Variants in NUMB observed in about 807,000 individuals in gnomAD.
NUMB encodes the protein protein numb homolog.
A neutral mutation model predicts 59.7 loss-of-function variants in NUMB; 29 were observed. The observed-to-expected ratio is 0.49, with a 90% CI of 0.36 to 0.66. NUMB has a LOEUF of 0.66. Ranked by LOEUF, NUMB falls within the 30% of genes least tolerant of loss-of-function variation. NUMB has a pLI of 0.00. For missense variants in NUMB, 723 were observed against 822.0 expected (o/e 0.88, Z 1.47); for synonymous variants, 288 against 288.2 (o/e 1.00, Z 0.01).
At position 73,367,348 on chromosome 14, in the gene NUMB, T is replaced by TATATATATATAG. The variant is rs1555375287; in HGVS notation, c.-100-368_-100-367insCTATATATATAT. ...ATATATACATATATATATATATATATAGAGAGAGAGAGAGAGAGAGAGAGA... is the reference window on the plus strand; with the variant it reads ...ATATATACATATATATATATATATATATATATATATAGAGAGAGAGAGAGAGAGAGAGAGAGA... On this transcript the variant is annotated intron_variant, in intron 2 of 12. Transcript: ENST00000555238. Among the ~76,000 whole-genome samples, 404 of 105,244 alleles carry TATATATATATAG rather than the reference T, an allele frequency of 3.8e-3. 1 individual carries two copies. The highest frequency in any genetic ancestry group is 8.8e-3 in the East Asian group (35 of 3,996). 69.0% of individuals were successfully genotyped at this position (105,244 alleles called of 152,430 possible). A position where few individuals can be genotyped will look rare whatever the true frequency, so the allele number is the denominator to read the frequency against.
At chr14:73,411,715 A>G in intron 1 of NUMB, among the ~76,000 whole-genome samples, 1 of 152,190 alleles carries the variant, frequency 6.6e-6, no homozygotes, top group East Asian at 1.9e-4. Flanking sequence ...GTAAACGGCT[A>G]ATCTATTTTT....
intron 3 of NUMB, among the ~76,000 whole-genome samples, chr14:73,356,258 T>C (rs1594944527): frequency 6.6e-6 from 1 of 152,240 alleles, no homozygotes; most frequent in Non-Finnish European, 1.5e-5. Flanking sequence ...AGGAATCTTT[T>C]TGGCTCATTA....
At chr14:73,444,787 G>T (rs1883344361) in intron 1 of NUMB, among the ~76,000 whole-genome samples, 1 of 151,192 alleles carries the variant, frequency 6.6e-6, no homozygotes, top group Non-Finnish European at 1.5e-5. Context: ...AACCCAGGAG[G>T]CGGAGGTTGC....
At chr14:73,354,305 T>G (rs576588614) in intron 4 of NUMB, among the ~76,000 whole-genome samples, 77 of 151,968 alleles carry the variant, frequency 5.1e-4, no homozygotes, top group African/African-American at 1.5e-3. Context: ...GGTCAGGAGT[T>G]CAAGACCAGC....
At chr14:73,321,195 T>C (rs1891384179) in intron 5 of NUMB, among the ~76,000 whole-genome samples, 1 of 152,216 alleles carries the variant, frequency 6.6e-6, no homozygotes, top group Admixed American at 6.5e-5. Context: ...CATGAAGTCA[T>C]ACTCTGAATC....
At chr14:73,335,680 T>C (rs1401582196) in intron 4 of NUMB, among the ~76,000 whole-genome samples, 1 of 152,178 alleles carries the variant, frequency 6.6e-6, no homozygotes, top group Non-Finnish European at 1.5e-5. Flanking sequence ...AAAAATTATT[T>C]AAAAAATAGA....
At chr14:73,399,143 A>C (rs1421082945) in intron 2 of NUMB, among the ~76,000 whole-genome samples, 1 of 152,254 alleles carries the variant, frequency 6.6e-6, no homozygotes, top group Non-Finnish European at 1.5e-5. Context: ...GCATAATACC[A>C]TTATACGGAT....
chr14:73,350,309 G>A (rs1893173416), intron 4 of NUMB, among the ~76,000 whole-genome samples: 1 of 151,550 alleles, frequency 6.6e-6, no homozygotes, highest in South Asian at 2.1e-4. Flanking sequence ...GAGTAGCTGG[G>A]GTTACAGGCA....
intron 4 of NUMB, among the ~76,000 whole-genome samples, chr14:73,353,438 C>T (rs921702198): frequency 1.3e-4 from 20 of 150,954 alleles, no homozygotes; most frequent in African/African-American, 4.9e-4. Flanking sequence ...AAGTTGTTTC[C>T]AAATTTTTGA....
rs143582593 is a variant in NUMB, at chr14:73,384,889, A to ATTT, written c.-100-17911_-100-17909dup. 7.9e-4 allele frequency among the ~76,000 whole-genome samples: 90 copies of ATTT among 114,428 alleles called. 2 individuals are homozygous for ATTT. Among genetic ancestry groups the ATTT allele is most frequent in the East Asian group, 6.4e-3 (24 of 3,738 alleles). 75.1% of individuals were successfully genotyped at this position (114,428 alleles called of 152,430 possible). ...CACCATGCCCAGCCAAATAACTGTA[A>ATTT]TTTTTTTTTTTTTTTTTTTTTGAGA... is the stretch of plus-strand genomic sequence containing the variant. On this transcript the variant is annotated intron_variant, in intron 2 of 12. Transcript: ENST00000555238.
Position 73,454,291 on chromosome 14 carries a change from C to T in NUMB, c.-233+4202G>A, listed in dbSNP as rs559588949. On this transcript the variant is annotated intron_variant, in intron 1 of 12. Coordinates refer to ENST00000555238, the MANE Select transcript of NUMB (RefSeq NM_001005743.2). Reference sequence around the variant, plus strand: ...AGATCTATTCTCTAGAAATCAAAACCTGTTACACACAACAGATGTGTTTTG... The same window carrying T: ...AGATCTATTCTCTAGAAATCAAAACTTGTTACACACAACAGATGTGTTTTG... 3.3e-5 allele frequency among the ~76,000 whole-genome samples: 5 copies of T among 152,104 alleles called. No individual in the cohort carries two copies. In the East Asian group the frequency reaches 9.6e-4, roughly 29 times the overall value.
intron 2 of NUMB, among the ~76,000 whole-genome samples, chr14:73,367,881 G>A (rs947055120): frequency 2.6e-5 from 4 of 151,432 alleles, no homozygotes; most frequent in Non-Finnish European, 5.9e-5. Context: ...TAGGGAAAAT[G>A]AACCCCAGAG....
At chr14:73,374,886 A>G (rs1000007981) in intron 2 of NUMB, among the ~76,000 whole-genome samples, 6 of 151,818 alleles carry the variant, frequency 4.0e-5, no homozygotes, top group African/African-American at 1.5e-4. Flanking sequence ...ATGCCCAGCT[A>G]ATTTTTGCAT....
intron 1 of NUMB, among the ~76,000 whole-genome samples, chr14:73,440,219 AT>A (rs1882935445): frequency 2.3e-5 from 3 of 133,094 alleles, no homozygotes; most frequent in Non-Finnish European, 4.5e-5. Context: ...GGATATCCAT[AT>A]ATATATATGG....
intron 1 of NUMB, among the ~76,000 whole-genome samples, chr14:73,454,069 G>A (rs865830367): frequency 6.6e-6 from 1 of 152,004 alleles, no homozygotes; most frequent in Non-Finnish European, 1.5e-5. Flanking sequence ...AGTTGGGCGG[G>A]GGGGGAACGG....
chr14:73,276,468 G>T lies in NUMB; in HGVS notation c.*110C>A. On this transcript the variant is annotated 3_prime_UTR_variant, in exon 13 of 13. Transcript: ENST00000555238. ...CCTGGACTTGTTCCTTGGGACCTTTGGGATTAGTGAAAAGAGTACTAATCA... is the reference window on the plus strand; with the variant it reads ...CCTGGACTTGTTCCTTGGGACCTTTTGGATTAGTGAAAAGAGTACTAATCA... 1 of 790,242 alleles carries T rather than the reference G, an allele frequency of 1.3e-6. No homozygotes were observed. The highest frequency in any genetic ancestry group is 2.0e-6 in the Non-Finnish European group (1 of 499,106). 49.0% of individuals were successfully genotyped at this position (790,242 alleles called of 1,614,324 possible).
At chr14:73,343,610 T>C (rs1181325861) in intron 4 of NUMB, among the ~76,000 whole-genome samples, 11 of 152,214 alleles carry the variant, frequency 7.2e-5, no homozygotes, top group Admixed American at 7.2e-4. Context: ...GTGGGAAGTC[T>C]CTGTGTGTAT....
intron 1 of NUMB, among the ~76,000 whole-genome samples, chr14:73,430,800 C>A (rs986975887): frequency 6.6e-6 from 1 of 151,910 alleles, no homozygotes; most frequent in Non-Finnish European, 1.5e-5. Context: ...AAAAAATTAG[C>A]TGGGTGTGGT....
At chr14:73,331,547 C>G (rs1004486577) in intron 4 of NUMB, among the ~76,000 whole-genome samples, 3 of 149,094 alleles carry the variant, frequency 2.0e-5, no homozygotes. Context: ...GACTCCGTCT[C>G]AAAAAAAAAA....
Sources: gnomAD v4.1 joint callset for allele counts (sites outside exome capture counted in the v4.1 genomes callset) on GRCh38, gnomAD v4.1.1 for gene constraint, MANE v1.5 for transcripts, NCBI Gene and HGNC (gene_info 2026-07-23, HGNC 2026-07-21) for gene names.